CDH1: variants seen among roughly 807,000 people sequenced by gnomAD.
CDH1 encodes cadherin-1.
Under a neutral mutation model 84.5 loss-of-function variants are expected in CDH1, and 35 were observed. The ratio of observed to expected loss-of-function variants is 0.41; its 90% CI spans 0.32 to 0.55. The LOEUF (loss-of-function observed/expected upper bound fraction) is 0.55. CDH1 is among the 20% of genes least tolerant of loss of function. The pLI is 0.19. For missense variants in CDH1, 994 were observed against 1,126.6 expected, an observed-to-expected ratio of 0.88 and a Z score of 1.68; for synonymous variants, 417 against 439.0, an observed-to-expected ratio of 0.95 and a Z score of 0.63.
chr16:68,815,360 T>C (rs917791234), intron 9 of CDH1, among the ~76,000 whole-genome samples, 155 bp from the exon 10 acceptor site: 1 of 152,192 alleles, frequency 6.6e-6, no homozygotes, highest in Admixed American at 6.6e-5. Flanking sequence ...TGGTAAGTAA[T>C]TGTGGTTTCT....
chr16:68,811,950 T>C, intron 7 of CDH1, 91 bp downstream of exon 7: 1 of 1,500,132 alleles, frequency 6.7e-7, no homozygotes, highest in Non-Finnish European at 9.2e-7. Flanking sequence ...AGGCCAGTTG[T>C]CAGTTAATAC....
chr16:68,759,487 C>CTT (rs141278700), intron 2 of CDH1, among the ~76,000 whole-genome samples: 13 of 136,124 alleles, frequency 9.6e-5, no homozygotes, highest in Admixed American at 5.9e-4. Context: ...TCTTTTCTTT[C>CTT]TTTTTTTTTT....
intron 10 of CDH1, among the ~76,000 whole-genome samples, chr16:68,818,853 A>AG (rs929531171): frequency 6.9e-6 from 1 of 144,530 alleles, no homozygotes; most frequent in East Asian, 2.0e-4. Flanking sequence ...CCGTCTCAAA[A>AG]AAAAAAAAAA....
Position 68,830,523 on chromosome 16 carries a change from A to G in CDH1, c.2439+726A>G, listed in dbSNP as rs112718597. ...AGAATCTGTATTGTATATGTCAGAA[A>G]TGCATTCAGCTCTAAATACAAGATG... On this transcript the variant is annotated intron_variant, in intron 15 of 15. Coordinates refer to ENST00000261769, the MANE Select transcript of CDH1 (RefSeq NM_004360.5). 7.3e-4 allele frequency among the ~76,000 whole-genome samples: 111 copies of G among 152,260 alleles called. 4 individuals carry two copies. Among genetic ancestry groups the G allele is most frequent in the African/African-American group, 2.7e-3 (111 of 41,508 alleles).
At chr16:68,767,491 C>A (rs989571931) in intron 2 of CDH1, among the ~76,000 whole-genome samples, 6 of 152,118 alleles carry the variant, frequency 3.9e-5, no homozygotes, top group Admixed American at 3.9e-4. Flanking sequence ...AGCCACCGTG[C>A]CCGGCCTAGA....
chr16:68,769,888 C>A (rs1959507074), intron 2 of CDH1, among the ~76,000 whole-genome samples: 1 of 151,598 alleles, frequency 6.6e-6, no homozygotes, highest in African/African-American at 2.4e-5. Context: ...CCGTGTTAGC[C>A]AGGATGGTCT....
rs150795245 is a variant in CDH1 at position 68,813,377 on chromosome 16, C to T, written c.1202C>T (p.Ala401Val). ...VVITTLKVTDADAPNTPAWEA... is the reference protein window; with the variant it reads ...VVITTLKVTDVDAPNTPAWEA... ...ATCACCACACTGAAAGTGACTGATG[C>T]TGATGCCCCCAATACCCCAGCGTGG... The change falls in exon 9 of 16, where the codon GCT (alanine) becomes GTT (valine). Residue 401 changes from alanine (A) to valine (V), a missense_variant. This residue lies in a region of CDH1 where 769 missense variants were observed against 881.8 expected (regional missense o/e 0.87). Coordinates refer to ENST00000261769, the MANE Select transcript of CDH1 (RefSeq NM_004360.5). The T allele has an allele frequency of 6.2e-7, 1 of 1,614,154 alleles. No homozygotes were observed. Among genetic ancestry groups the T allele is most frequent in the Non-Finnish European group, 8.5e-7 (1 of 1,180,024 alleles).
intron 10 of CDH1, among the ~76,000 whole-genome samples, chr16:68,818,863 A>G (rs1048354319): frequency 2.7e-5 from 4 of 150,776 alleles, no homozygotes; most frequent in African/African-American, 7.3e-5. Context: ...AAAAAAAAAA[A>G]AAAAAAAGAA....
chr16:68,745,524 A>T (rs1358294862), intron 2 of CDH1, among the ~76,000 whole-genome samples: 1 of 113,698 alleles, frequency 8.8e-6, no homozygotes, highest in Non-Finnish European at 1.9e-5. Context: ...GCTGATAGAG[A>T]TCCTGTCTCA....
intron 15 of CDH1, 135 bp downstream of exon 15, chr16:68,829,932 T>A: frequency 1.2e-6 from 1 of 842,998 alleles, no homozygotes; most frequent in Non-Finnish European, 1.8e-6. Context: ...TGGAGCCCTG[T>A]TTTCCTTTTT....
At chr16:68,820,576 T>C (rs1045054190) in intron 11 of CDH1, among the ~76,000 whole-genome samples, 1 of 152,166 alleles carries the variant, frequency 6.6e-6, no homozygotes. Flanking sequence ...GGTCTTGAAC[T>C]CCTGACCTTG....
chr16:68,817,027 G>T (rs1290059100), intron 10 of CDH1, among the ~76,000 whole-genome samples: 1 of 152,216 alleles, frequency 6.6e-6, no homozygotes, highest in East Asian at 1.9e-4. Flanking sequence ...GGTCTTTAGT[G>T]TCTGTTTCCA....
At chr16:68,772,179 G>T (rs750443531) in intron 2 of CDH1, among the ~76,000 whole-genome samples, 1 of 152,160 alleles carries the variant, frequency 6.6e-6, no homozygotes, top group Admixed American at 6.5e-5. Context: ...AATTGGCCCC[G>T]TGTTGCCACA....
intron 2 of CDH1, among the ~76,000 whole-genome samples, chr16:68,770,341 T>C (rs917696089): frequency 3.3e-5 from 5 of 152,068 alleles, no homozygotes; most frequent in Non-Finnish European, 4.4e-5. Flanking sequence ...GGTAAGTATT[T>C]GGGTCTCTTG....
intron 11 of CDH1, 104 bp from the exon 12 acceptor site, chr16:68,821,897 G>A: frequency 1.1e-6 from 1 of 890,196 alleles, no homozygotes; most frequent in Admixed American, 1.9e-5. Flanking sequence ...CCTGGTGAGG[G>A]ACCACTGAAG....
At chr16:68,807,636 C>CT (rs1313164166) in intron 3 of CDH1, among the ~76,000 whole-genome samples, 1 of 152,056 alleles carries the variant, frequency 6.6e-6, no homozygotes, top group Admixed American at 6.6e-5. Context: ...CTGCAGTGAG[C>CT]TTTGATCACT....
At chr16:68,813,171 C>T (rs187897813) in intron 8 of CDH1, 142 bp from the exon 9 acceptor site, 18 of 835,180 alleles carry the variant, frequency 2.2e-5, no homozygotes, top group African/African-American at 3.3e-5. Context: ...GAGCCATGAT[C>T]GCTCAAATAC....
chr16:68,793,845 C>T lies in CDH1; in HGVS notation c.164-7825C>T, dbSNP rs368939205. ...AGGCAGGAGGCTGAGGCAGCAGAATCCCTTGAACCTGGGAGGCAGAAGTTG... is the reference window on the plus strand; with the variant it reads ...AGGCAGGAGGCTGAGGCAGCAGAATTCCTTGAACCTGGGAGGCAGAAGTTG... On this transcript the variant is annotated intron_variant, in intron 2 of 15. Coordinates refer to ENST00000261769, the MANE Select transcript of CDH1 (RefSeq NM_004360.5). 7.3e-5 allele frequency among the ~76,000 whole-genome samples: 11 copies of T among 151,516 alleles called. No individual in the cohort carries two copies. In the South Asian group the frequency reaches 8.3e-4, roughly 11 times the overall value.
chr16:68,834,487 G>A lies in CDH1; in HGVS notation c.*988G>A, dbSNP rs9282653. The A allele has an allele frequency of 3.2e-3, 970 of 300,236 alleles. 11 individuals are homozygous for A. Among genetic ancestry groups the A allele is most frequent in the African/African-American group, 0.02 (921 of 46,422 alleles). 18.6% of individuals were successfully genotyped at this position (300,236 alleles called of 1,614,324 possible). On this transcript the variant is annotated 3_prime_UTR_variant, in exon 16 of 16. Coordinates refer to ENST00000261769, the MANE Select transcript of CDH1 (RefSeq NM_004360.5). Reference sequence around the variant, plus strand: ...CTGCCTTGGCCCCCCAAAGTGCTGGGATTGTGGGCATGAGCTGCTGTGCCC... The same window carrying A: ...CTGCCTTGGCCCCCCAAAGTGCTGGAATTGTGGGCATGAGCTGCTGTGCCC...
Sources: allele counts gnomAD v4.1 joint callset (sites outside exome capture counted in the v4.1 genomes callset), GRCh38; gene constraint gnomAD v4.1.1; regional missense constraint gnomAD v4.1.1; transcripts MANE v1.5; gene names NCBI Gene and HGNC (gene_info 2026-07-23, HGNC 2026-07-21).